The following FANCD2 variants were observed in gnomAD, a reference collection of about 807,000 sequenced individuals.
The protein encoded by FANCD2 is Fanconi anemia group D2 protein.
FANCD2 carries 131 observed loss-of-function variants against 192.3 expected under a neutral mutation model. That is an observed-to-expected ratio of 0.68 (90% CI 0.59 to 0.79). The LOEUF is 0.79. Among genes scored for constraint, FANCD2 ranks in the 30% least tolerant of loss-of-function variants. FANCD2 has a pLI of 0.00. For missense variants in FANCD2, 1,508 were observed against 1,701.6 expected (o/e 0.89, Z 2.00); for synonymous variants, 524 against 612.5 (o/e 0.86, Z 2.13).
intron 32 of FANCD2, among the ~76,000 whole-genome samples, chr3:10,082,966 C>G (rs1575828277): frequency 6.6e-6 from 1 of 152,160 alleles, no homozygotes; most frequent in East Asian, 1.9e-4. Flanking sequence ...GTGGCTTATG[C>G]CTGTAATCCC....
At chr3:10,100,508 A>G (rs1309384830) in intron 43 of FANCD2, among the ~76,000 whole-genome samples, 1 of 152,156 alleles carries the variant, frequency 6.6e-6, no homozygotes, top group Non-Finnish European at 1.5e-5. Flanking sequence ...AGTAGCTAGG[A>G]TTACAGGTGC....
intron 3 of FANCD2, among the ~76,000 whole-genome samples, chr3:10,033,698 C>CTCT (rs2086657193): frequency 1.1e-5 from 1 of 89,378 alleles, no homozygotes; most frequent in African/African-American, 4.7e-5. Flanking sequence ...AAAGCTAAGT[C>CTCT]TTTTTTTTTT....
In FANCD2 at chr3:10,046,295, T is replaced by C. The variant is rs367547321; in HGVS notation, c.1135-285T>C. On this transcript the variant is annotated intron_variant, in intron 14 of 43. Coordinates refer to ENST00000675286, the MANE Select transcript of FANCD2 (RefSeq NM_001018115.3). ...GTCTCGATCTCCTGACCTTGTGATC[T>C]GCCCGCCTTGGCCTCCCAAAGTGCT... is the stretch of plus-strand genomic sequence containing the variant. The C allele has an allele frequency of 2.2e-4, 83 of 372,228 alleles. No individual in the cohort carries two copies. The East Asian group carries it at 2.4e-3, about 11-fold the overall frequency. The allele number at this position is 372,228 out of a possible 1,614,324, so 23.1% of individuals were successfully genotyped here. A position where few individuals can be genotyped will look rare whatever the true frequency, so the allele number is the denominator to read the frequency against.
intron 23 of FANCD2, among the ~76,000 whole-genome samples, 159 bp from the exon 24 acceptor site, chr3:10,065,235 G>T (rs773262142): frequency 6.6e-6 from 1 of 152,164 alleles, no homozygotes; most frequent in Non-Finnish European, 1.5e-5. Context: ...GTTGCAGTGA[G>T]CTGAGATCGT....
At chr3:10,029,909 G>C (rs913766040) in intron 2 of FANCD2, among the ~76,000 whole-genome samples, 1 of 150,024 alleles carries the variant, frequency 6.7e-6, no homozygotes, top group Non-Finnish European at 1.5e-5. Context: ...TCAGTCTCCC[G>C]AGTAGCTGGG....
Position 10,067,281 on chromosome 3 carries a change from G to A in FANCD2, c.2458G>A (p.Val820Ile). The change falls in exon 26 of 44, where the codon GTA (valine) becomes ATA (isoleucine). Residue 820 changes from valine to isoleucine, a missense_variant. Transcript: ENST00000675286. The stretch of plus-strand genomic sequence containing the variant: ...GGTGCTCACTCGGTTAAAGCACATT[G>A]TAGAATTGCAAATAATCCTGGAAAA... ...GKVLTRLKHI[V>I]ELQIILEKYL... 4 of 1,613,522 alleles carry A rather than the reference G, an allele frequency of 2.5e-6. No homozygotes were observed. Among genetic ancestry groups the A allele is most frequent in the Non-Finnish European group, 1.7e-6 (2 of 1,179,496 alleles).
intron 2 of FANCD2, among the ~76,000 whole-genome samples, chr3:10,031,501 C>CA (rs796241281): frequency 4.7e-3 from 411 of 86,908 alleles, no homozygotes; most frequent in East Asian, 0.012. Context: ...GACTCCATTT[C>CA]AAAAAAAAAA....
intron 18 of FANCD2, among the ~76,000 whole-genome samples, chr3:10,054,803 CT>C (rs898048812): frequency 3.8e-4 from 58 of 151,118 alleles, no homozygotes; most frequent in African/African-American, 7.3e-4. Context: ...TATTTTTTAT[CT>C]TTTTTTCCCC....
chr3:10,030,217 C>T (rs140521180), intron 2 of FANCD2, among the ~76,000 whole-genome samples: 4 of 152,120 alleles, frequency 2.6e-5, no homozygotes, highest in African/African-American at 4.8e-5. Context: ...CTGGCTCAGC[C>T]GCCCAAGTAG....
At chr3:10,033,342 A>G (rs1490897047) in intron 3 of FANCD2, among the ~76,000 whole-genome samples, 1 of 152,250 alleles carries the variant, frequency 6.6e-6, no homozygotes, top group East Asian at 1.9e-4. Flanking sequence ...TGAAAGTTGC[A>G]GTGAGTCAAG....
intron 29 of FANCD2, 69 bp from the exon 30 acceptor site, chr3:10,078,012 A>C (rs1196367897): frequency 1.7e-6 from 2 of 1,167,514 alleles, no homozygotes; most frequent in Non-Finnish European, 2.6e-6. Context: ...TTAACAAAAA[A>C]GAAAGAAAAA....
At chr3:10,040,004 G>A in intron 9 of FANCD2, 159 bp downstream of exon 9, 3 of 692,468 alleles carry the variant, frequency 4.3e-6, no homozygotes, top group East Asian at 2.8e-5. Context: ...AAAAAAAAAG[G>A]TATATATTTG....
rs1693825081 is a variant in FANCD2 at position 10,081,379 on chromosome 3, G to A, written c.3139G>A (p.Gly1047Arg). Residue 1047 changes from glycine (G) to arginine (R), a missense_variant, in exon 32 of 44, where the codon GGA (glycine) becomes AGA (arginine). Physicochemically the swap from Gly to Arg is moderately radical, Grantham distance 125. This residue lies in a region of FANCD2 where 796 missense variants were observed against 879.4 expected (regional missense o/e 0.91). Transcript: ENST00000675286. ...LAAENHGVVDGPGVKVQEYHI... is the reference protein window; with the variant it reads ...LAAENHGVVDRPGVKVQEYHI... ...TGCTGAGAATCACGGTGTAGTTGAT[G>A]GACCAGGAGTGAAAGTTCAGGAGTA... 1.2e-6 allele frequency: 2 copies of A among 1,614,074 alleles called. No homozygotes were observed. Among genetic ancestry groups the A allele is most frequent in the East Asian group, 4.5e-5 (2 of 44,878 alleles).
chr3:10,045,981 T>G (rs1230460445), intron 14 of FANCD2, among the ~76,000 whole-genome samples: 1 of 151,944 alleles, frequency 6.6e-6, no homozygotes, highest in African/African-American at 2.4e-5. Flanking sequence ...GATTGAATCT[T>G]TCTTTTAATA....
At chr3:10,037,385 G>A (rs1416401996) in intron 7 of FANCD2, among the ~76,000 whole-genome samples, 1 of 152,142 alleles carries the variant, frequency 6.6e-6, no homozygotes, top group Admixed American at 6.6e-5. Context: ...AGGCATGCTT[G>A]TACGTTGCTA....
At chr3:10,045,192 G>A (rs1047009456) in intron 14 of FANCD2, among the ~76,000 whole-genome samples, 31 of 120,882 alleles carry the variant, frequency 2.6e-4, no homozygotes, top group African/African-American at 1.0e-3. Flanking sequence ...TTTTTGAGAC[G>A]GGTTCTCACT....
At position 10,032,837 on chromosome 3, in the gene FANCD2, A is replaced by G. The variant is rs999832070; in HGVS notation, c.70A>G (p.Arg24Gly). Residue 24 changes from arginine (R) to glycine (G), a missense_variant, in exon 3 of 44, where the codon AGG becomes GGG. Transcript: ENST00000675286. Reference sequence around the variant, plus strand: ...GAAAATTTTTCTATTTTCAGAAACCAGGAAGCAACCACTTTCCAAAAAGAC... The same window carrying G: ...GAAAATTTTTCTATTTTCAGAAACCGGGAAGCAACCACTTTCCAAAAAGAC... ...ESLTEDASKT[R>G]KQPLSKKTKK... The G allele has an allele frequency of 3.1e-6, 5 of 1,612,676 alleles. No homozygotes were observed. The highest frequency in any genetic ancestry group is 4.2e-6 in the Non-Finnish European group (5 of 1,179,324).
intron 17 of FANCD2, among the ~76,000 whole-genome samples, chr3:10,050,369 A>G (rs1357535798): frequency 6.6e-6 from 1 of 152,184 alleles, no homozygotes; most frequent in Non-Finnish European, 1.5e-5. Context: ...TCATGCTTGT[A>G]ATCCCAGCAC....
In FANCD2 at chr3:10,052,494, C is replaced by T. The variant is rs945604157; in HGVS notation, c.1653C>T (p.Ile551=). ...FSKQNEASSH[I]QDDMHLVIRK... ...AACAGAATGAAGCCAGCAGCCACAT[C>T]CAGGTAAGAGGCAATATGTTGGGAA... The change falls in exon 18 of 44, where the codon ATC becomes ATT. Residue 551 remains isoleucine (I), a synonymous_variant. Coordinates refer to ENST00000675286, the MANE Select transcript of FANCD2 (RefSeq NM_001018115.3). 6.2e-7 allele frequency: 1 copy of T among 1,605,312 alleles called. No individual in the cohort carries two copies. The highest frequency in any genetic ancestry group is 1.7e-5 in the Admixed American group (1 of 59,934).
Sources: gnomAD v4.1 joint callset for allele counts (sites outside exome capture counted in the v4.1 genomes callset) on GRCh38, gnomAD v4.1.1 for gene constraint, gnomAD v4.1.1 regional missense constraint, MANE v1.5 for transcripts, NCBI Gene and HGNC (gene_info 2026-07-23, HGNC 2026-07-21) for gene names.